SMU1: variants seen among roughly 807,000 people sequenced by gnomAD.
The protein encoded by SMU1 is WD40 repeat-containing protein SMU1.
SMU1 carries 2 observed loss-of-function variants against 62.0 expected under a neutral mutation model. That is an observed-to-expected ratio of 0.03 (90% CI 0.01 to 0.10). The LOEUF (loss-of-function observed/expected upper bound fraction) is 0.10, where lower values mean the gene tolerates loss of function less well. Among genes scored for constraint, SMU1 ranks in the 10% least tolerant of loss-of-function variants. The pLI, the probability that SMU1 is intolerant of heterozygous loss-of-function variation, is 1.00. For missense variants in SMU1, 227 were observed against 622.1 expected (o/e 0.36, Z 6.76); for synonymous variants, 188 against 212.4 (o/e 0.89, Z 1.00).
In SMU1 at chr9:33,076,592, T is replaced by C; in HGVS notation, c.17A>G (p.Glu6Gly). Residue 6 changes from glutamate (E) to glycine (G), a missense_variant, in exon 1 of 12, where the codon GAA becomes GGA. Glu to Gly is a moderately conservative substitution (Grantham distance 98). This residue lies in a region of SMU1 where 99 missense variants were observed against 270.3 expected (regional missense o/e 0.37). Coordinates refer to ENST00000397149, the MANE Select transcript of SMU1 (RefSeq NM_018225.3). MSIEIESSDVIRLIMQ... is the reference protein window; with the variant it reads MSIEIGSSDVIRLIMQ... ...CCACCGCAGGACTCACTCCGAAGAT[T>C]CGATTTCGATCGACATAGCCGTATC... 1.9e-6 allele frequency: 3 copies of C among 1,613,896 alleles called. No individual in the cohort carries two copies. The highest frequency in any genetic ancestry group is 2.5e-6 in the Non-Finnish European group (3 of 1,180,026).
At position 33,071,903 on chromosome 9, in the gene SMU1, A is replaced by T. The variant is rs752197080; in HGVS notation, c.238-11T>A. On this transcript the variant is annotated splice_polypyrimidine_tract_variant and intron_variant, in intron 2 of 11. Transcript: ENST00000397149. The stretch of plus-strand genomic sequence containing the variant: ...CAATTCCAGAACAACCTGGACAATT[A>T]AAAAAAAACAAAAAAAACCCCAGAT... The T allele has an allele frequency of 6.8e-6, 10 of 1,480,010 alleles. No homozygotes were observed. The highest frequency in any genetic ancestry group is 9.0e-6 in the Non-Finnish European group (10 of 1,116,218). 91.7% of individuals were successfully genotyped at this position (1,480,010 alleles called of 1,614,324 possible).
At chr9:33,058,592 C>T (rs1260615629) in intron 6 of SMU1, among the ~76,000 whole-genome samples, 1 of 152,144 alleles carries the variant, frequency 6.6e-6, no homozygotes, top group Non-Finnish European at 1.5e-5. Flanking sequence ...GCTGGGATTA[C>T]AGGTATGAGC....
intron 1 of SMU1, 135 bp downstream of exon 1, chr9:33,076,448 G>T: frequency 9.2e-7 from 1 of 1,091,340 alleles, no homozygotes; most frequent in Admixed American, 1.9e-5. Context: ...CGAGATCCAA[G>T]ATGCTTCTTT....
chr9:33,047,771 A>G (rs1430092383), intron 11 of SMU1, among the ~76,000 whole-genome samples: 1 of 152,150 alleles, frequency 6.6e-6, no homozygotes, highest in Admixed American at 6.5e-5. Flanking sequence ...AGGCAGGAGA[A>G]TCACTTGAAA....
chr9:33,061,053 A>C (rs1839356170), intron 5 of SMU1, among the ~76,000 whole-genome samples: 1 of 152,242 alleles, frequency 6.6e-6, no homozygotes, highest in Admixed American at 6.5e-5. Flanking sequence ...TCAGTGTTTC[A>C]CAACCTTCAT....
At chr9:33,047,820 C>T (rs1360656150) in intron 11 of SMU1, among the ~76,000 whole-genome samples, 3 of 152,106 alleles carry the variant, frequency 2.0e-5, no homozygotes, top group Admixed American at 6.5e-5. Context: ...GATCACACCA[C>T]TGCACTCCAG....
At chr9:33,049,743 C>T (rs1425145224) in intron 10 of SMU1, among the ~76,000 whole-genome samples, 1 of 151,024 alleles carries the variant, frequency 6.6e-6, no homozygotes, top group East Asian at 1.9e-4. Flanking sequence ...CCAGCCTCAG[C>T]AACATGGCAT....
intron 10 of SMU1, among the ~76,000 whole-genome samples, chr9:33,052,117 A>AAAAT (rs959631348): frequency 3.9e-5 from 6 of 152,128 alleles, no homozygotes; most frequent in African/African-American, 7.2e-5. Context: ...TCCCTGCTTA[A>AAAAT]AAATAAATAA....
intron 4 of SMU1, among the ~76,000 whole-genome samples, chr9:33,066,465 T>C (rs190320091): frequency 7.5e-6 from 1 of 133,864 alleles, no homozygotes; most frequent in African/African-American, 2.9e-5. Flanking sequence ...AGAGGCAGGA[T>C]AGTCTGGGCA....
At chr9:33,057,347 T>C (rs188220764) in intron 7 of SMU1, among the ~76,000 whole-genome samples, 36 of 152,258 alleles carry the variant, frequency 2.4e-4, no homozygotes, top group African/African-American at 7.0e-4. Flanking sequence ...GGTGGTACAA[T>C]AGAAAGGGCA....
chr9:33,056,491 A>C (rs1160503816), intron 8 of SMU1, among the ~76,000 whole-genome samples: 1 of 152,200 alleles, frequency 6.6e-6, no homozygotes, highest in Non-Finnish European at 1.5e-5. Flanking sequence ...ACCTCTAAAA[A>C]ACAAGTTAGC....
chr9:33,073,825 T>A lies in SMU1; in HGVS notation c.27-19A>T, dbSNP rs755357048. 8 of 1,611,762 alleles carry A rather than the reference T, an allele frequency of 5.0e-6. No individual in the cohort carries two copies. Among genetic ancestry groups the A allele is most frequent in the Non-Finnish European group, 6.8e-6 (8 of 1,178,010 alleles). Reference sequence around the variant, plus strand: ...GATCACACTGAAAGAAAACAAATCGTTCAGCTCAGGGATTCTCACTCACCA... The same window carrying A: ...GATCACACTGAAAGAAAACAAATCGATCAGCTCAGGGATTCTCACTCACCA... On this transcript the variant is annotated intron_variant, in intron 1 of 11. Transcript: ENST00000397149.
chr9:33,061,820 GGCTAGATGTCAA>G (rs1035630680), intron 5 of SMU1, among the ~76,000 whole-genome samples: 15 of 152,306 alleles, frequency 9.8e-5, no homozygotes, highest in Admixed American at 5.9e-4. Context: ...GCAGATGGTG[GGCTAGATGTCAA>G]GCTAGATGTC....
intron 6 of SMU1, 118 bp downstream of exon 6, chr9:33,060,347 A>G (rs1839349140): frequency 1.1e-6 from 1 of 883,536 alleles, no homozygotes; most frequent in Non-Finnish European, 1.7e-6. Context: ...TACAAAAGTA[A>G]TACATGTTCA....
Position 33,056,956 on chromosome 9 carries a change from C to A in SMU1, c.876G>T (p.Lys292Asn). ...GAQDGKIKVW[K>N]IQSGQCLRRF... ...TCCTTAAACATTGTCCACTCTGAAT[C>A]TTCCACACCTTTATTTGAAAAAAAA... Residue 292 changes from lysine (K) to asparagine (N), a missense_variant, in exon 8 of 12, where the codon AAG (lysine) becomes AAT (asparagine). Around this residue, in one of 5 missense-constraint regions of SMU1, gnomAD observed 98 missense variants for 195.9 expected, o/e 0.50. Coordinates refer to ENST00000397149, the MANE Select transcript of SMU1 (RefSeq NM_018225.3). 6.2e-7 allele frequency: 1 copy of A among 1,603,402 alleles called. No individual in the cohort carries two copies. Among genetic ancestry groups the A allele is most frequent in the Non-Finnish European group, 8.5e-7 (1 of 1,176,976 alleles).
At chr9:33,063,058 G>A (rs10971375) in intron 4 of SMU1, among the ~76,000 whole-genome samples, 1 of 152,052 alleles carries the variant, frequency 6.6e-6, no homozygotes, top group Admixed American at 6.5e-5. Context: ...TGAAAAAGTC[G>A]GGAAAAAAAG....
intron 7 of SMU1, 121 bp from the exon 8 acceptor site, chr9:33,057,085 C>A (rs371528194): frequency 2.9e-5 from 28 of 959,456 alleles, no homozygotes; most frequent in Admixed American, 5.0e-5. Flanking sequence ...TAAAAATGCA[C>A]GCTAATAGCT....
chr9:33,048,106 T>C lies in SMU1; in HGVS notation c.1443A>G (p.Thr481=), dbSNP rs775718059. The C allele has an allele frequency of 1.9e-6, 3 of 1,613,798 alleles. No individual in the cohort carries two copies. The highest frequency in any genetic ancestry group is 1.3e-5 in the African/African-American group (1 of 75,038). ...TVTGKLERTL[T]VHEKDVIGIA... Reference sequence around the variant, plus strand: ...GATGAACTTAGTAAGTAATACTCACTGTCAAAGTTCTCTCCAGTTTGCCAG... The same window carrying C: ...GATGAACTTAGTAAGTAATACTCACCGTCAAAGTTCTCTCCAGTTTGCCAG... Residue 481 remains threonine, a splice_region_variant and synonymous_variant, in exon 11 of 12, where the codon ACA becomes ACG. Coordinates refer to ENST00000397149, the MANE Select transcript of SMU1 (RefSeq NM_018225.3).
At chr9:33,074,138 T>G (rs1232369840) in intron 1 of SMU1, among the ~76,000 whole-genome samples, 1 of 152,204 alleles carries the variant, frequency 6.6e-6, no homozygotes, top group Non-Finnish European at 1.5e-5. Context: ...CTGAAATACT[T>G]TAAATGACTA....
Sources: gnomAD v4.1 joint callset for allele counts (sites outside exome capture counted in the v4.1 genomes callset) on GRCh38, gnomAD v4.1.1 for gene constraint, gnomAD v4.1.1 regional missense constraint, MANE v1.5 for transcripts, NCBI Gene and HGNC (gene_info 2026-07-23, HGNC 2026-07-21) for gene names.